Variants in DSCAM observed in about 807,000 individuals in gnomAD.
DSCAM encodes cell adhesion molecule DSCAM.
In DSCAM, 47 loss-of-function variants were observed where a neutral mutation model predicts 217.7. The ratio of observed to expected loss-of-function variants is 0.22; its 90% CI spans 0.17 to 0.28. The LOEUF is 0.28. DSCAM is among the 10% of genes least tolerant of loss of function. DSCAM has a pLI of 1.00. For synonymous variants in DSCAM, 1,056 were observed against 1,015.3 expected (o/e 1.04, Z -0.76); for missense variants, 2,080 against 2,618.3 (o/e 0.79, Z 4.49).
intron 8 of DSCAM, among the ~76,000 whole-genome samples, chr21:40,322,720 T>G (rs925297808): frequency 6.6e-6 from 1 of 152,166 alleles, no homozygotes; most frequent in African/African-American, 2.4e-5. Flanking sequence ...AGACAGGGTT[T>G]CACCATGTTA....
At chr21:40,268,753 A>G (rs1023350084) in intron 11 of DSCAM, among the ~76,000 whole-genome samples, 2 of 152,098 alleles carry the variant, frequency 1.3e-5, no homozygotes, top group Non-Finnish European at 1.5e-5. Flanking sequence ...GTTTGAGACC[A>G]GCTTGGCCAA....
At chr21:40,147,367 C>T (rs1039689212) in intron 16 of DSCAM, among the ~76,000 whole-genome samples, 1 of 152,192 alleles carries the variant, frequency 6.6e-6, no homozygotes, top group African/African-American at 2.4e-5. Context: ...GAAATCTTCC[C>T]TTGTTTCCTC....
chr21:40,249,539 A>T (rs976441069), intron 11 of DSCAM, among the ~76,000 whole-genome samples: 1 of 152,172 alleles, frequency 6.6e-6, no homozygotes, highest in African/African-American at 2.4e-5. Context: ...AGCAGCATGA[A>T]AACAAAACGA....
intron 1 of DSCAM, among the ~76,000 whole-genome samples, chr21:40,742,878 A>G (rs1026378603): frequency 7.9e-5 from 12 of 152,116 alleles, no homozygotes; most frequent in Admixed American, 7.2e-4. Context: ...TAACATTTTC[A>G]TCATTATTTT....
intron 3 of DSCAM, among the ~76,000 whole-genome samples, chr21:40,606,274 C>T (rs551095307): frequency 7.2e-5 from 11 of 152,116 alleles, no homozygotes; most frequent in South Asian, 4.2e-4. Context: ...GTTGGGGCCA[C>T]GAGGGGGTGA....
chr21:40,223,394 G>C (rs1050240146), intron 11 of DSCAM, among the ~76,000 whole-genome samples: 1 of 152,188 alleles, frequency 6.6e-6, no homozygotes, highest in Admixed American at 6.5e-5. Flanking sequence ...TATCCTAAGG[G>C]AAATGCCATT....
rs543437367 is a variant in DSCAM, at chr21:40,501,410, T to G, written c.509-132165A>C. ...GTATTATTCCTGTGAGCTTTATATT[T>G]GTGCTCCCCTTTTCAATCTGTGTCT... On this transcript the variant is annotated intron_variant, in intron 3 of 32. Transcript: ENST00000400454. 1.4e-3 allele frequency among the ~76,000 whole-genome samples: 212 copies of G among 152,322 alleles called. 3 individuals carry two copies. In the South Asian group the frequency reaches 0.028, roughly 20 times the overall value.
At chr21:40,022,812 TAGC>T (rs2088298720) in intron 32 of DSCAM, among the ~76,000 whole-genome samples, 1 of 152,158 alleles carries the variant, frequency 6.6e-6, no homozygotes, top group South Asian at 2.1e-4. Context: ...AACTTTTTAT[TAGC>T]AACAAGTAAT....
At position 40,839,647 on chromosome 21, in the gene DSCAM, G is replaced by GT. The variant is rs552504350; in HGVS notation, c.43+6971dup. Among the ~76,000 whole-genome samples the GT allele has an allele frequency of 4.2e-3, 628 of 149,570 alleles. 4 individuals are homozygous for GT. The highest frequency in any genetic ancestry group is 0.014 in the African/African-American group (576 of 40,534). ...CAAGGGTTGGTATGCTTTTTTTTTT[G>GT]TTTTTTTCTCCTACAAAATGCTGTA... is the stretch of plus-strand genomic sequence containing the variant. On this transcript the variant is annotated intron_variant, in intron 1 of 32. Transcript: ENST00000400454.
At chr21:40,562,330 G>A (rs2076726902) in intron 3 of DSCAM, among the ~76,000 whole-genome samples, 1 of 152,064 alleles carries the variant, frequency 6.6e-6, no homozygotes, top group East Asian at 1.9e-4. Flanking sequence ...TCTCTCTCAG[G>A]CCATGTAAGA....
intron 10 of DSCAM, among the ~76,000 whole-genome samples, chr21:40,290,112 G>C (rs1329096921): frequency 6.6e-6 from 1 of 152,118 alleles, no homozygotes; most frequent in Admixed American, 6.5e-5. Flanking sequence ...AAAAACCAGA[G>C]AGAAAATGAC....
chr21:40,171,892 T>C (rs1344175856), intron 15 of DSCAM, among the ~76,000 whole-genome samples: 1 of 152,182 alleles, frequency 6.6e-6, no homozygotes. Context: ...ATGCAAAATG[T>C]ATTAAGGGTC....
intron 11 of DSCAM, among the ~76,000 whole-genome samples, chr21:40,266,216 A>AATTTT (rs2073524733): frequency 7.1e-6 from 1 of 139,926 alleles, no homozygotes; most frequent in African/African-American, 2.9e-5. Context: ...TCTCAAAAGA[A>AATTTT]GATATACAAA....
intron 3 of DSCAM, among the ~76,000 whole-genome samples, chr21:40,430,062 C>T (rs2075515892): frequency 6.6e-6 from 1 of 152,168 alleles, no homozygotes; most frequent in East Asian, 1.9e-4. Context: ...GAAGAGTACC[C>T]TCACACACAT....
At chr21:40,543,555 C>G (rs1044768019) in intron 3 of DSCAM, among the ~76,000 whole-genome samples, 5 of 151,956 alleles carry the variant, frequency 3.3e-5, no homozygotes, top group Non-Finnish European at 5.9e-5. Context: ...TTATTCATAC[C>G]TCATGGGAAG....
At chr21:40,658,058 A>G (rs950457849) in intron 3 of DSCAM, among the ~76,000 whole-genome samples, 1 of 152,210 alleles carries the variant, frequency 6.6e-6, no homozygotes, top group Non-Finnish European at 1.5e-5. Context: ...TAGAGCTGAG[A>G]ATTAACATTT....
At chr21:40,205,602 C>CA (rs35725347) in intron 11 of DSCAM, among the ~76,000 whole-genome samples, 9,257 of 83,090 alleles carry the variant, frequency 0.11, 596 homozygotes, top group African/African-American at 0.2. Context: ...GACTCTATCT[C>CA]AAAAAAAAAA....
chr21:40,221,877 GTGTGA>G (rs1289499948), intron 11 of DSCAM, among the ~76,000 whole-genome samples: 3 of 152,178 alleles, frequency 2.0e-5, no homozygotes, highest in Non-Finnish European at 4.4e-5. Context: ...TTAACATTCT[GTGTGA>G]CAGAATGGCA....
chr21:40,699,801 A>G (rs1213190535), intron 2 of DSCAM, among the ~76,000 whole-genome samples: 1 of 152,222 alleles, frequency 6.6e-6, no homozygotes, highest in African/African-American at 2.4e-5. Flanking sequence ...GAAAGAAGCA[A>G]TCTTTATAAC....
Sources: gnomAD v4.1 joint callset for allele counts (sites outside exome capture counted in the v4.1 genomes callset) on GRCh38, gnomAD v4.1.1 for gene constraint, MANE v1.5 for transcripts, NCBI Gene and HGNC (gene_info 2026-07-23, HGNC 2026-07-21) for gene names.